The following SLC16A7 variants were observed in gnomAD, a reference collection of about 807,000 sequenced individuals.
SLC16A7 encodes the protein solute carrier family 16 member 7, also known as monocarboxylate transporter 2.
Under a neutral mutation model 34.9 loss-of-function variants are expected in SLC16A7, and 33 were observed. That is an observed-to-expected ratio of 0.94 (90% CI 0.72 to 1.26). SLC16A7 has a LOEUF of 1.26. SLC16A7 is among the 50% of genes most tolerant of loss of function. SLC16A7 has a pLI of 0.00. For missense variants in SLC16A7, 573 were observed against 578.1 expected (o/e 0.99, Z 0.09); for synonymous variants, 201 against 206.6 (o/e 0.97, Z 0.23).
intron 1 of SLC16A7, among the ~76,000 whole-genome samples, chr12:59,641,383 A>T (rs764059250): frequency 8.5e-5 from 13 of 152,092 alleles, no homozygotes; most frequent in African/African-American, 2.4e-5. Context: ...GCATTCATTT[A>T]TTCATTCATT....
At chr12:59,744,461 G>T (rs1312563754) in intron 3 of SLC16A7, among the ~76,000 whole-genome samples, 2 of 152,154 alleles carry the variant, frequency 1.3e-5, no homozygotes, top group Non-Finnish European at 2.9e-5. Context: ...TCCCTTTGCA[G>T]CTCCCCTTCC....
chr12:59,787,831 A>G lies in SLC16A7; in HGVS notation c.*8152A>G, dbSNP rs533466841. 121 of 152,334 alleles carry G rather than the reference A, an allele frequency of 7.9e-4. No individual in the cohort carries two copies. The highest frequency in any genetic ancestry group is 2.9e-3 in the African/African-American group (120 of 41,588). The allele number at this position is 152,334 out of a possible 1,614,324, so 9.4% of individuals were successfully genotyped here. On this transcript the variant is annotated 3_prime_UTR_variant, in exon 6 of 6. Coordinates refer to ENST00000547379, the MANE Select transcript of SLC16A7 (RefSeq NM_001270623.2). Reference sequence around the variant, plus strand: ...CTGCATTGTCATTCTGACAGGAGGCAGGCCTCAGTAGTTGCAGTGAGTGCA... The same window carrying G: ...CTGCATTGTCATTCTGACAGGAGGCGGGCCTCAGTAGTTGCAGTGAGTGCA...
intron 3 of SLC16A7, among the ~76,000 whole-genome samples, chr12:59,757,318 G>T (rs61933836): frequency 9.5e-4 from 144 of 151,750 alleles, no homozygotes; most frequent in Admixed American, 2.6e-3. Flanking sequence ...CGGGTTGATG[G>T]GTGCAGCAAA....
rs574268411 is a variant in SLC16A7 at position 59,754,332 on chromosome 12, A to G, written c.218-16887A>G. On this transcript the variant is annotated intron_variant, in intron 3 of 5. Transcript: ENST00000547379. Reference sequence around the variant, plus strand: ...TGAATCCAGGAGCCGGTTTTTTGAAAGGATCAACAAAATTGATAGACTGCT... The same window carrying G: ...TGAATCCAGGAGCCGGTTTTTTGAAGGGATCAACAAAATTGATAGACTGCT... 5.2e-3 allele frequency among the ~76,000 whole-genome samples: 796 copies of G among 152,292 alleles called. 8 individuals carry two copies. Among genetic ancestry groups the G allele is most frequent in the African/African-American group, 0.015 (618 of 41,568 alleles).
chr12:59,597,810 A>C (rs1878494103), intron 1 of SLC16A7, among the ~76,000 whole-genome samples: 1 of 152,244 alleles, frequency 6.6e-6, no homozygotes, highest in Non-Finnish European at 1.5e-5. Flanking sequence ...ACAACTTACA[A>C]ACTCAGAAAC....
intron 3 of SLC16A7, among the ~76,000 whole-genome samples, chr12:59,717,745 G>A (rs1259912362): frequency 6.6e-6 from 1 of 151,734 alleles, no homozygotes; most frequent in Admixed American, 6.6e-5. Context: ...ATACAAATGT[G>A]GGAGAAAAAA....
rs12321061 is a variant in SLC16A7 at position 59,722,862 on chromosome 12, A to G, written c.217+17844A>G. On this transcript the variant is annotated intron_variant, in intron 3 of 5. Coordinates refer to ENST00000547379, the MANE Select transcript of SLC16A7 (RefSeq NM_001270623.2). ...GTGTCCTATAGAACTTTCTGTGGTG[A>G]TAGAAATGTTCTATAAATCTGATTG... Among the ~76,000 whole-genome samples the G allele has an allele frequency of 1.3e-3, 203 of 152,052 alleles. 1 individual carries two copies. Among genetic ancestry groups the G allele is most frequent in the African/African-American group, 4.7e-3 (194 of 41,542 alleles).
chr12:59,689,385 C>G (rs1871388949), intron 2 of SLC16A7: 1 of 151,842 alleles, frequency 6.6e-6, no homozygotes, highest in Admixed American at 6.6e-5. Context: ...GAAACTTCTG[C>G]CTCAGGTGGG....
At chr12:59,755,159 G>T (rs1448140836) in intron 3 of SLC16A7, among the ~76,000 whole-genome samples, 1 of 152,122 alleles carries the variant, frequency 6.6e-6, no homozygotes, top group Non-Finnish European at 1.5e-5. Context: ...TACTGAATGG[G>T]CAAAAACTGG....
chr12:59,764,004 T>C (rs1004610961), intron 3 of SLC16A7: 1 of 152,156 alleles, frequency 6.6e-6, no homozygotes, highest in Non-Finnish European at 1.5e-5. Flanking sequence ...GGCCACTTAA[T>C]AAACCTACAG....
chr12:59,779,826 T>TTTAAA lies in SLC16A7; in HGVS notation c.*151_*155dup. 1.6e-6 allele frequency: 1 copy of TTTAAA among 607,032 alleles called. No homozygotes were observed. Among genetic ancestry groups the TTTAAA allele is most frequent in the Non-Finnish European group, 2.8e-6 (1 of 359,858 alleles). 37.6% of individuals were successfully genotyped at this position (607,032 alleles called of 1,614,324 possible). On this transcript the variant is annotated 3_prime_UTR_variant, in exon 6 of 6. Transcript: ENST00000547379. ...GGTGATATTTTCCTCAATGGCAAAT[T>TTTAAA]TTAAATTAGTTTTTAAAAACTTACT...
chr12:59,733,984 A>G (rs1877281161), intron 3 of SLC16A7: 1 of 368,378 alleles, frequency 2.7e-6, no homozygotes, highest in South Asian at 2.0e-5. Flanking sequence ...GTGCATGCTG[A>G]TTGGTCTGTG....
At chr12:59,615,193 G>T (rs561578434) in intron 1 of SLC16A7, among the ~76,000 whole-genome samples, 1 of 152,024 alleles carries the variant, frequency 6.6e-6, no homozygotes, top group Admixed American at 6.6e-5. Flanking sequence ...CCTGCACCTT[G>T]ATCTTGGACT....
intron 2 of SLC16A7, among the ~76,000 whole-genome samples, chr12:59,691,719 G>A (rs1263002775): frequency 6.6e-6 from 1 of 151,902 alleles, no homozygotes; most frequent in African/African-American, 2.4e-5. Context: ...CATTTTAGCT[G>A]TATAAGTGCA....
At chr12:59,727,988 CAGAG>C (rs1226546806) in intron 3 of SLC16A7, among the ~76,000 whole-genome samples, 4 of 152,108 alleles carry the variant, frequency 2.6e-5, no homozygotes, top group African/African-American at 9.7e-5. Context: ...GGAAATGGAA[CAGAG>C]ATAGAGTCTT....
chr12:59,730,362 A>AG (rs1876806829), intron 3 of SLC16A7, among the ~76,000 whole-genome samples: 1 of 148,776 alleles, frequency 6.7e-6, no homozygotes, highest in Admixed American at 6.7e-5. Context: ...AAAAAAAAAA[A>AG]CAGACAACAC....
At chr12:59,600,462 CT>C (rs893738289) in intron 1 of SLC16A7, among the ~76,000 whole-genome samples, 1,457 of 143,324 alleles carry the variant, frequency 0.01, 8 homozygotes, top group African/African-American at 0.02. Context: ...AATAATGGAA[CT>C]TTTTTTTTTT....
At chr12:59,679,593 T>C (rs1870588443) in intron 2 of SLC16A7, among the ~76,000 whole-genome samples, 1 of 152,218 alleles carries the variant, frequency 6.6e-6, no homozygotes, top group Non-Finnish European at 1.5e-5. Context: ...AACTTACCTG[T>C]CTCATGATGT....
chr12:59,707,433 A>G (rs1326270340), intron 3 of SLC16A7, among the ~76,000 whole-genome samples: 2 of 152,112 alleles, frequency 1.3e-5, no homozygotes, highest in African/African-American at 4.8e-5. Flanking sequence ...TCAAACCACT[A>G]AATCTCAATA....
Sources: allele counts gnomAD v4.1 joint callset (sites outside exome capture counted in the v4.1 genomes callset), GRCh38; gene constraint gnomAD v4.1.1; transcripts MANE v1.5; gene names NCBI Gene and HGNC (gene_info 2026-07-23, HGNC 2026-07-21).